The following NLGN4X variants were observed in gnomAD, a reference collection of about 807,000 sequenced individuals.
The protein encoded by NLGN4X is neuroligin 4 X-linked, also known as neuroligin-4, X-linked.
NLGN4X carries 3 observed loss-of-function variants against 40.3 expected under a neutral mutation model. The observed-to-expected ratio is 0.07, with a 90% confidence interval of 0.03 to 0.19. The LOEUF (loss-of-function observed/expected upper bound fraction) is 0.19. NLGN4X is among the 10% of genes least tolerant of loss of function. The probability of loss-of-function intolerance (pLI) is 1.00; values close to 1 mark genes in which losing one functional copy is unlikely to be tolerated. For missense variants in NLGN4X, 382 were observed against 708.3 expected (o/e 0.54, Z 5.23); for synonymous variants, 270 against 306.8 (o/e 0.88, Z 1.25).
At chrX:5,963,062 G>T (rs534766621) in intron 3 of NLGN4X, among the ~76,000 whole-genome samples, 1 of 109,368 alleles carries the variant, frequency 9.1e-6, no homozygotes, top group African/African-American at 3.3e-5. Context: ...CTGGAACTGG[G>T]TAATAAGTAG....
At chrX:6,204,135 A>G (rs1178482134) in intron 1 of NLGN4X, among the ~76,000 whole-genome samples, 1 of 112,535 alleles carries the variant, frequency 8.9e-6, no homozygotes, top group East Asian at 2.8e-4. Flanking sequence ...TGTATAAACG[A>G]AGAAGGAAGA....
chrX:6,067,114 C>CCA (rs199691886), intron 2 of NLGN4X, among the ~76,000 whole-genome samples: 1 of 109,430 alleles, frequency 9.1e-6, no homozygotes, highest in Non-Finnish European at 1.9e-5. Flanking sequence ...GTCCCCCCCC[C>CCA]AAAACAAAAT....
At chrX:5,975,746 C>A (rs2035160621) in intron 3 of NLGN4X, among the ~76,000 whole-genome samples, 2 of 109,319 alleles carry the variant, frequency 1.8e-5, no homozygotes, top group African/African-American at 3.3e-5. Context: ...CTGAATAAAC[C>A]TAGTCTTATT....
At chrX:5,990,020 G>A (rs1422552225) in intron 3 of NLGN4X, among the ~76,000 whole-genome samples, 1 of 106,376 alleles carries the variant, frequency 9.4e-6, no homozygotes, top group Non-Finnish European at 1.9e-5. Context: ...CATGGGTAAT[G>A]GAAATCACAG....
At chrX:6,101,573 C>T (rs2038908363) in intron 2 of NLGN4X, among the ~76,000 whole-genome samples, 1 of 111,039 alleles carries the variant, frequency 9.0e-6, no homozygotes, top group South Asian at 3.8e-4. Flanking sequence ...GACAGAAAGA[C>T]TGTTATCATA....
At chrX:6,021,077 C>CCTCTCTCTCTCTCT (rs1423877036) in intron 3 of NLGN4X, among the ~76,000 whole-genome samples, 2 of 22,174 alleles carry the variant, frequency 9.0e-5, no homozygotes, top group Non-Finnish European at 1.5e-4. Context: ...TCCCTCCCTC[C>CCTCTCTCTCTCTCT]CTCTCTCTCT....
intron 2 of NLGN4X, among the ~76,000 whole-genome samples, chrX:6,130,939 C>G (rs1164331859): frequency 8.9e-6 from 1 of 111,762 alleles, no homozygotes; most frequent in Non-Finnish European, 1.9e-5. Context: ...TTGATGCTTT[C>G]TTCTCACTAT....
intron 3 of NLGN4X, among the ~76,000 whole-genome samples, chrX:5,963,864 A>G (rs186676849): frequency 1.5e-4 from 17 of 112,448 alleles, no homozygotes; most frequent in Admixed American, 1.3e-3. Context: ...TTCTCAAATT[A>G]TCGTTTCTCT....
At chrX:6,096,946 CGTGTGT>C (rs35895741) in intron 2 of NLGN4X, among the ~76,000 whole-genome samples, 64 of 100,583 alleles carry the variant, frequency 6.4e-4, no homozygotes, top group African/African-American at 2.0e-3. Flanking sequence ...ATTTTCATAT[CGTGTGT>C]GTGTGTGTGT....
chrX:6,045,442 C>T (rs1298402026), intron 2 of NLGN4X, among the ~76,000 whole-genome samples: 1 of 111,294 alleles, frequency 9.0e-6, no homozygotes, highest in Non-Finnish European at 1.9e-5. Context: ...CTCCAATGAT[C>T]ATTATAATAA....
chrX:6,228,237 G>C (rs1157052577), intron 1 of NLGN4X, among the ~76,000 whole-genome samples: 1 of 111,649 alleles, frequency 9.0e-6, no homozygotes, highest in Non-Finnish European at 1.9e-5. Flanking sequence ...CGGTGGTCTG[G>C]ATTTTTCTCT....
At chrX:6,174,959 G>C (rs1247581257) in intron 1 of NLGN4X, among the ~76,000 whole-genome samples, 3 of 111,130 alleles carry the variant, frequency 2.7e-5, no homozygotes, top group Non-Finnish European at 5.7e-5. Flanking sequence ...AAAAAAAATT[G>C]GACAGTCTCC....
At chrX:6,079,447 ACTC>A (rs2038290749) in intron 2 of NLGN4X, among the ~76,000 whole-genome samples, 2 of 111,488 alleles carry the variant, frequency 1.8e-5, no homozygotes, top group Non-Finnish European at 3.8e-5. Flanking sequence ...CATGTCCTAA[ACTC>A]CTCATTTAAT....
intron 2 of NLGN4X, among the ~76,000 whole-genome samples, chrX:6,116,419 T>C (rs1356548967): frequency 2.2e-5 from 1 of 45,242 alleles, no homozygotes; most frequent in African/African-American, 9.4e-5. Flanking sequence ...TTTTTTTTTT[T>C]TTTTTTTTTT....
intron 1 of NLGN4X, among the ~76,000 whole-genome samples, chrX:6,208,173 G>C (rs1342203607): frequency 1.8e-5 from 2 of 111,831 alleles, no homozygotes; most frequent in African/African-American, 6.5e-5. Context: ...CATATCTGTG[G>C]AACAGTAAAT....
intron 3 of NLGN4X, among the ~76,000 whole-genome samples, chrX:6,006,566 C>T (rs1388126770): frequency 9.0e-6 from 1 of 111,096 alleles, no homozygotes; most frequent in Non-Finnish European, 1.9e-5. Context: ...CATCAAACAT[C>T]GTTATCATCC....
At chrX:6,113,028 C>G (rs191454269) in intron 2 of NLGN4X, among the ~76,000 whole-genome samples, 1 of 110,402 alleles carries the variant, frequency 9.1e-6, no homozygotes, top group East Asian at 2.9e-4. Context: ...AAACAAGGTA[C>G]CAATCCCGTG....
chrX:6,061,363 C>T (rs1308595860), intron 2 of NLGN4X, among the ~76,000 whole-genome samples: 6 of 110,408 alleles, frequency 5.4e-5, no homozygotes, highest in African/African-American at 2.0e-4. Context: ...TAGATCAACC[C>T]TACAGCACAC....
chrX:6,110,511 T>C (rs1341676068), intron 2 of NLGN4X, among the ~76,000 whole-genome samples: 1 of 112,090 alleles, frequency 8.9e-6, no homozygotes, highest in African/African-American at 3.2e-5. Context: ...TATGCTTCTC[T>C]ACTCCTAGGC....
Sources: gnomAD v4.1 joint callset for allele counts (sites outside exome capture counted in the v4.1 genomes callset) on GRCh38, gnomAD v4.1.1 for gene constraint, MANE v1.5 for transcripts, NCBI Gene and HGNC (gene_info 2026-07-23, HGNC 2026-07-21) for gene names.